SRFBP1: variants seen among roughly 807,000 people sequenced by gnomAD.
SRFBP1 encodes the protein serum response factor-binding protein 1.
SRFBP1 carries 47 observed loss-of-function variants against 45.5 expected under a neutral mutation model. The ratio of observed to expected loss-of-function variants is 1.03; its 90% CI spans 0.82 to 1.32. The LOEUF (loss-of-function observed/expected upper bound fraction) is 1.32, where lower values mean the gene tolerates loss of function less well. SRFBP1 is among the 40% of genes most tolerant of loss of function. The pLI, the probability that SRFBP1 is intolerant of heterozygous loss-of-function variation, is 0.00. For synonymous variants in SRFBP1, 203 were observed against 166.3 expected (o/e 1.22, Z -1.70); for missense variants, 621 against 484.6 (o/e 1.28, Z -2.64).
intron 4 of SRFBP1, among the ~76,000 whole-genome samples, chr5:121,997,321 A>G (rs949407870): frequency 1.8e-4 from 27 of 150,134 alleles, no homozygotes; most frequent in African/African-American, 6.2e-4. Flanking sequence ...ACAGAGATGT[A>G]GATCAATGGA....
chr5:121,994,299 A>G lies in SRFBP1; in HGVS notation c.199-300A>G, dbSNP rs143772942. Among the ~76,000 whole-genome samples, 5 of 152,088 alleles carry G rather than the reference A, an allele frequency of 3.3e-5. No homozygotes were observed. In the East Asian group the frequency reaches 9.6e-4, roughly 29 times the overall value. ...CTAATTTTTCCTGTTTGCCTGGCAT[A>G]TCTTTGAAGCTTTTTAAATAACTGT... On this transcript the variant is annotated intron_variant, in intron 3 of 7. Transcript: ENST00000339397.
chr5:122,020,171 G>T lies in SRFBP1; in HGVS notation c.436G>T (p.Glu146Ter), dbSNP rs1208402987. 2 of 1,609,660 alleles carry T rather than the reference G, an allele frequency of 1.2e-6. No individual in the cohort carries two copies. Among genetic ancestry groups the T allele is most frequent in the South Asian group, 1.1e-5 (1 of 89,678 alleles). Residue 146 changes from glutamate (E) to a stop codon, truncating the protein, a stop_gained, in exon 6 of 8, where the codon GAG becomes TAG. Transcript: ENST00000339397. LOFTEE classifies it high-confidence loss of function. ...SKNASEDNHSENTLYSNDNGS... is the reference protein window; with the variant it reads ...SKNASEDNHS ...GAATGCTTCAGAGGACAATCATTCT[G>T]AGAATACTTTGTATTCAAATGATAA...
chr5:122,069,055 C>T (rs1274898914), intron 2 of SRFBP1, among the ~76,000 whole-genome samples: 1 of 152,050 alleles, frequency 6.6e-6, no homozygotes, highest in Non-Finnish European at 1.5e-5. Flanking sequence ...TTTTTCAGTG[C>T]TATCCTTTTG....
chr5:122,070,259 G>C (rs1754411712), intron 2 of SRFBP1: 1 of 791,430 alleles, frequency 1.3e-6, no homozygotes, highest in African/African-American at 1.7e-5. Flanking sequence ...ATCAAGCAGG[G>C]AAGGGATTTT....
chr5:121,975,088 C>A (rs1470628466), intron 2 of SRFBP1, among the ~76,000 whole-genome samples: 1 of 151,812 alleles, frequency 6.6e-6, no homozygotes, highest in Non-Finnish European at 1.5e-5. Flanking sequence ...GTCATTAATA[C>A]AATGGCAAGA....
In SRFBP1 at chr5:121,962,025, C is replaced by A. The variant is rs1751953293; in HGVS notation, c.-8C>A. The A allele has an allele frequency of 3.1e-6, 5 of 1,614,064 alleles. No homozygotes were observed. In the East Asian group the frequency reaches 1.1e-4, roughly 36 times the overall value. On this transcript the variant is annotated 5_prime_UTR_variant, in exon 1 of 8. Coordinates refer to ENST00000339397, the MANE Select transcript of SRFBP1 (RefSeq NM_152546.3). ...CAGGCAGCGGCGGATCATATTCCTT[C>A]ATCTACCATGGCTCAGCCGGGAACT...
rs920267889 is a variant in SRFBP1, at chr5:122,054,684, T to A, written n.312-20631T>A. Among the ~76,000 whole-genome samples the A allele has an allele frequency of 1.5e-3, 226 of 152,354 alleles. 1 individual carries two copies. Among genetic ancestry groups the A allele is most frequent in the Non-Finnish European group, 1.6e-3 (107 of 68,034 alleles). On this transcript the variant is annotated intron_variant and non_coding_transcript_variant, in intron 2 of 2. Transcript: ENST00000504881. ...TGAGTAATGATTAAATTAATATATTTATCTTTCTCTCAGCTTCCTTTCCTC... is the reference window on the plus strand; with the variant it reads ...TGAGTAATGATTAAATTAATATATTAATCTTTCTCTCAGCTTCCTTTCCTC...
chr5:122,036,986 C>G (rs897475568), intron 2 of SRFBP1, among the ~76,000 whole-genome samples: 2 of 151,620 alleles, frequency 1.3e-5, no homozygotes, highest in African/African-American at 4.9e-5. Context: ...CCTCTGCCTC[C>G]CTCCCGGGTT....
At chr5:121,972,267 G>A (rs1032513206) in intron 1 of SRFBP1, among the ~76,000 whole-genome samples, 4 of 151,856 alleles carry the variant, frequency 2.6e-5, no homozygotes, top group African/African-American at 4.8e-5. Context: ...AACTTTATTC[G>A]TAAAGGAAGA....
intron 4 of SRFBP1, among the ~76,000 whole-genome samples, chr5:122,011,153 A>G (rs1169358221): frequency 1.3e-5 from 2 of 152,164 alleles, no homozygotes; most frequent in African/African-American, 4.8e-5. Flanking sequence ...CAGTTTATTT[A>G]TAGTCACTTT....
At chr5:121,989,898 T>G (rs1174357509) in intron 3 of SRFBP1, among the ~76,000 whole-genome samples, 2 of 152,206 alleles carry the variant, frequency 1.3e-5, no homozygotes, top group Non-Finnish European at 2.9e-5. Flanking sequence ...GTATTTGTTC[T>G]CTTTCAACTT....
intron 1 of SRFBP1, among the ~76,000 whole-genome samples, chr5:121,973,616 G>GT (rs1491151774): frequency 1.0e-4 from 14 of 133,988 alleles, no homozygotes; most frequent in African/African-American, 3.0e-4. Flanking sequence ...ATGTGTGTGT[G>GT]GGGGGGGGGC....
chr5:122,045,924 G>C (rs1028145171), intron 2 of SRFBP1, among the ~76,000 whole-genome samples: 4 of 152,104 alleles, frequency 2.6e-5, no homozygotes, highest in East Asian at 1.9e-4. Context: ...GAACATCCTT[G>C]TCTTTGCCTG....
chr5:122,008,758 A>G (rs538913869), intron 4 of SRFBP1, among the ~76,000 whole-genome samples: 1 of 152,250 alleles, frequency 6.6e-6, no homozygotes, highest in South Asian at 2.1e-4. Context: ...ATCTATCCCT[A>G]TGAACATTGT....
rs188234299 is a variant in SRFBP1 at position 121,965,822 on chromosome 5, G to A, written c.36+3754G>A. On this transcript the variant is annotated intron_variant, in intron 1 of 7. Transcript: ENST00000339397. ...CGATATTGATTCTTCCTATCTATGA[G>A]CATGGAATGTTTTTCCATTTGTATG... Among the ~76,000 whole-genome samples the A allele has an allele frequency of 7.2e-5, 11 of 152,276 alleles. No homozygotes were observed. The East Asian group carries it at 1.9e-3, about 27-fold the overall frequency.
chr5:122,054,818 C>A (rs1237920337), intron 2 of SRFBP1, among the ~76,000 whole-genome samples: 1 of 152,010 alleles, frequency 6.6e-6, no homozygotes, highest in Admixed American at 6.6e-5. Flanking sequence ...ATTTTGACCC[C>A]AGCTATAAAA....
intron 4 of SRFBP1, among the ~76,000 whole-genome samples, chr5:122,017,564 C>T (rs1231425112): frequency 6.6e-6 from 1 of 152,144 alleles, no homozygotes; most frequent in African/African-American, 2.4e-5. Flanking sequence ...TTCTGAGTTT[C>T]CAGGTGGATG....
At chr5:121,979,489 A>G (rs1752365039) in intron 3 of SRFBP1, among the ~76,000 whole-genome samples, 1 of 152,202 alleles carries the variant, frequency 6.6e-6, no homozygotes, top group Admixed American at 6.5e-5. Flanking sequence ...ATGTCAACTT[A>G]ACATTTTGTT....
rs562636428 is a variant in SRFBP1, at chr5:121,986,859, A to G, written c.199-7740A>G. On this transcript the variant is annotated intron_variant, in intron 3 of 7. Coordinates refer to ENST00000339397, the MANE Select transcript of SRFBP1 (RefSeq NM_152546.3). ...GTGAGAAACTTTTTAGAATGACAGA[A>G]TTTTAAAAAGCAAACATATTACAAA... 5.3e-5 allele frequency among the ~76,000 whole-genome samples: 8 copies of G among 152,258 alleles called. No individual in the cohort carries two copies. In the East Asian group the frequency reaches 1.5e-3, roughly 29 times the overall value.
Sources: gnomAD v4.1 joint callset for allele counts (sites outside exome capture counted in the v4.1 genomes callset) on GRCh38, gnomAD v4.1.1 for gene constraint, MANE v1.5 for transcripts, NCBI Gene and HGNC (gene_info 2026-07-23, HGNC 2026-07-21) for gene names.